The following OSBPL5 variants were observed in gnomAD, a reference collection of about 807,000 sequenced individuals.
OSBPL5 encodes the protein oxysterol binding protein like 5.
A neutral mutation model predicts 111.2 loss-of-function variants in OSBPL5; 71 were observed. The ratio of observed to expected loss-of-function variants is 0.64; its 90% confidence interval spans 0.53 to 0.78. OSBPL5 has a LOEUF of 0.78. Among genes scored for constraint, OSBPL5 ranks in the 30% least tolerant of loss-of-function variants. The probability of loss-of-function intolerance (pLI) is 0.00; values close to 1 mark genes in which losing one functional copy is unlikely to be tolerated. For missense variants in OSBPL5, 1,210 were observed against 1,189.3 expected (o/e 1.02, Z -0.26); for synonymous variants, 549 against 513.9 (o/e 1.07, Z -0.93).
At position 3,140,389 on chromosome 11, in the gene OSBPL5, C is replaced by A. The variant is rs915913121; in HGVS notation, c.-21-11220G>T. Among the ~76,000 whole-genome samples the A allele has an allele frequency of 6.6e-6, 1 of 152,164 alleles. No individual in the cohort carries two copies. Among genetic ancestry groups the A allele is most frequent in the African/African-American group, 2.4e-5 (1 of 41,436 alleles). ...TAGGGCTCACAGCCAAGCTAGGACA[C>A]CCTTCCCAGGGCCAAGGCAGCCCAG... On this transcript the variant is annotated intron_variant, in intron 1 of 21. Coordinates refer to ENST00000263650, the MANE Select transcript of OSBPL5 (RefSeq NM_020896.4). The surrounding 1 kb of genome is among the most constrained non-coding windows in gnomAD (Gnocchi z 4.5).
chr11:3,100,140 T>C lies in OSBPL5; in HGVS notation c.1621+18A>G, dbSNP rs775422556. The C allele has an allele frequency of 4.3e-6, 7 of 1,611,058 alleles. No homozygotes were observed. Among genetic ancestry groups the C allele is most frequent in the Non-Finnish European group, 5.1e-6 (6 of 1,177,580 alleles). On this transcript the variant is annotated intron_variant, in intron 14 of 21. Coordinates refer to ENST00000263650, the MANE Select transcript of OSBPL5 (RefSeq NM_020896.4). ...AGAGCCTGGCTCTGCCCTCGGAGTG[T>C]GTGGCTGAGCCTCTCACCTTTGCAG...
chr11:3,139,981 GC>G (rs975051032), intron 1 of OSBPL5, among the ~76,000 whole-genome samples: 12 of 152,168 alleles, frequency 7.9e-5, no homozygotes, highest in Non-Finnish European at 1.8e-4. Context: ...CTGCAGAGGT[GC>G]CCCCCCTGCT....
chr11:3,133,801 C>T (rs1017591996), intron 1 of OSBPL5, among the ~76,000 whole-genome samples: 6 of 152,346 alleles, frequency 3.9e-5, no homozygotes, highest in African/African-American at 1.2e-4. Flanking sequence ...GTGCCCCTCC[C>T]ACGGTGAGAC....
Position 3,102,261 on chromosome 11 carries a change from G to A in OSBPL5, c.1347C>T (p.Asn449=). 6.2e-7 allele frequency: 1 copy of A among 1,604,272 alleles called. No homozygotes were observed. Among genetic ancestry groups the A allele is most frequent in the South Asian group, 1.1e-5 (1 of 88,886 alleles). The change falls in exon 12 of 22, where the codon AAC becomes AAT. Residue 449 remains asparagine (N), a synonymous_variant. Coordinates refer to ENST00000263650, the MANE Select transcript of OSBPL5 (RefSeq NM_020896.4). ...KKPKGIKKPY[N]PILGETFRCC... ...AGCGGAAGGTCTCCCCCAGGATGGG[G>A]TTGTACGGCTTCTTGATTCCCTGCA...
intron 1 of OSBPL5, among the ~76,000 whole-genome samples, chr11:3,145,795 C>A (rs909544023): frequency 6.6e-6 from 1 of 152,212 alleles, no homozygotes; most frequent in Non-Finnish European, 1.5e-5. Flanking sequence ...GACCAGAACC[C>A]CGGCCTGTCG....
chr11:3,143,477 A>G (rs1846213367), intron 1 of OSBPL5, among the ~76,000 whole-genome samples: 1 of 152,220 alleles, frequency 6.6e-6, no homozygotes, highest in African/African-American at 2.4e-5. Context: ...GAACGGATAA[A>G]CATGGATCAC....
Position 3,092,696 on chromosome 11 carries a change from G to GCC in OSBPL5, c.2133-140_2133-139dup. On this transcript the variant is annotated intron_variant, in intron 18 of 21. Coordinates refer to ENST00000263650, the MANE Select transcript of OSBPL5 (RefSeq NM_020896.4). This position sits in a 1 kb window ranked among gnomAD's most constrained non-coding sequence, Gnocchi z 5.4. The stretch of plus-strand genomic sequence containing the variant: ...CCACTGCCCACACCCCATGGGCAGG[G>GCC]CCTGCAGTAAGGACTGATGATGGGG... The GCC allele has an allele frequency of 7.4e-7, 1 of 1,356,710 alleles. No individual in the cohort carries two copies. The highest frequency in any genetic ancestry group is 9.8e-7 in the Non-Finnish European group (1 of 1,016,120). The allele number at this position is 1,356,710 out of a possible 1,614,324, so 84.0% of individuals were successfully genotyped here.
intron 7 of OSBPL5, 143 bp downstream of exon 7, chr11:3,119,404 G>A: frequency 1.3e-6 from 1 of 757,984 alleles, no homozygotes; most frequent in Non-Finnish European, 2.0e-6. Context: ...CTCCGAGCCG[G>A]GCTCATCCTG....
intron 1 of OSBPL5, among the ~76,000 whole-genome samples, chr11:3,145,635 G>A (rs952624252): frequency 1.1e-4 from 17 of 152,208 alleles, no homozygotes; most frequent in Non-Finnish European, 2.5e-4. Flanking sequence ...AGGGGTCTGC[G>A]CTGGGGGCTG....
rs746387485 is a variant in OSBPL5, at chr11:3,129,034, C to T, written c.115G>A (p.Glu39Lys). ...TTACCTGGGCTGAGTGGGTAGAGCT[C>T]ATTGTCTCCGCTGAGGAGCAAGTTC... ...TRNLLLSGDN[E>K]LYPLSPGKDM... The change falls in exon 2 of 22, where the codon GAG becomes AAG. Residue 39 changes from glutamate to lysine, a missense_variant. Glu to Lys is a moderately conservative substitution (Grantham distance 56). Transcript: ENST00000263650. 5 of 1,587,512 alleles carry T rather than the reference C, an allele frequency of 3.1e-6. No homozygotes were observed. The highest frequency in any genetic ancestry group is 1.1e-5 in the South Asian group (1 of 88,180).
At chr11:3,097,421 T>A (rs1172510437) in intron 14 of OSBPL5, among the ~76,000 whole-genome samples, 1 of 152,178 alleles carries the variant, frequency 6.6e-6, no homozygotes, top group Non-Finnish European at 1.5e-5. Context: ...GAACTCTCCA[T>A]GAATGTGTAG....
chr11:3,128,539 A>T (rs1858714296), intron 2 of OSBPL5, among the ~76,000 whole-genome samples: 1 of 152,184 alleles, frequency 6.6e-6, no homozygotes, highest in African/African-American at 2.4e-5. Context: ...GCACGAAGGC[A>T]GGCCTGGTTC....
At chr11:3,103,938 C>T (rs1055365961) in intron 10 of OSBPL5, among the ~76,000 whole-genome samples, 23 of 150,164 alleles carry the variant, frequency 1.5e-4, no homozygotes, top group Admixed American at 1.5e-3. Flanking sequence ...TCCCATCCAG[C>T]TCGAGGGTGC....
Position 3,092,199 on chromosome 11 carries a change from C to T in OSBPL5, c.2259+233G>A, listed in dbSNP as rs1244408801. On this transcript the variant is annotated intron_variant, in intron 19 of 21. Coordinates refer to ENST00000263650, the MANE Select transcript of OSBPL5 (RefSeq NM_020896.4). The surrounding 1 kb of genome is among the most constrained non-coding windows in gnomAD (Gnocchi z 5.4). Reference sequence around the variant, plus strand: ...AGACTTTGGGGGCAGTGGACAGAGACAGTAGACACAGGGTCCCACAAGCCA... The same window carrying T: ...AGACTTTGGGGGCAGTGGACAGAGATAGTAGACACAGGGTCCCACAAGCCA... 6.6e-6 allele frequency among the ~76,000 whole-genome samples: 1 copy of T among 151,892 alleles called. No individual in the cohort carries two copies. The highest frequency in any genetic ancestry group is 1.5e-5 in the Non-Finnish European group (1 of 67,980).
intron 1 of OSBPL5, among the ~76,000 whole-genome samples, chr11:3,157,727 A>G (rs1048857766): frequency 1.3e-4 from 20 of 152,350 alleles, no homozygotes; most frequent in Admixed American, 3.9e-4. Context: ...CTCTGCTCAC[A>G]ACAATCAGAT....
chr11:3,122,572 C>T (rs553512994), intron 3 of OSBPL5, 144 bp from the exon 4 acceptor site: 29 of 684,136 alleles, frequency 4.2e-5, no homozygotes, highest in African/African-American at 3.4e-4. Flanking sequence ...CCTCCATCCC[C>T]CCCACCAGCA....
chr11:3,104,107 C>A lies in OSBPL5; in HGVS notation c.1244+86G>T. The A allele has an allele frequency of 7.0e-7, 1 of 1,435,150 alleles. No homozygotes were observed. Among genetic ancestry groups the A allele is most frequent in the Admixed American group, 2.1e-5 (1 of 48,428 alleles). The allele number at this position is 1,435,150 out of a possible 1,614,324, so 88.9% of individuals were successfully genotyped here. The stretch of plus-strand genomic sequence containing the variant: ...CCATGGGATTCTCTGGAAGCCCCCA[C>A]AGGGCAGGTAGGGGCTGGGGGTGCT... On this transcript the variant is annotated intron_variant, in intron 10 of 21. Coordinates refer to ENST00000263650, the MANE Select transcript of OSBPL5 (RefSeq NM_020896.4). This position sits in a 1 kb window ranked among gnomAD's most constrained non-coding sequence, Gnocchi z 5.0.
chr11:3,121,347 T>C lies in OSBPL5; in HGVS notation c.402+650A>G, dbSNP rs370342804. Among the ~76,000 whole-genome samples the C allele has an allele frequency of 2.0e-5, 3 of 152,310 alleles. No individual in the cohort carries two copies. Among genetic ancestry groups the C allele is most frequent in the Admixed American group, 6.5e-5 (1 of 15,286 alleles). The stretch of plus-strand genomic sequence containing the variant: ...TGTTGGGATTACAGGTGTGAGCCAC[T>C]GCACCCGGCCTGGCAGCTCTGTAAA... On this transcript the variant is annotated intron_variant, in intron 5 of 21. Coordinates refer to ENST00000263650, the MANE Select transcript of OSBPL5 (RefSeq NM_020896.4). This position sits in a 1 kb window ranked among gnomAD's most constrained non-coding sequence, Gnocchi z 4.3.
chr11:3,092,946 G>T lies in OSBPL5; in HGVS notation c.2053C>A (p.Gln685Lys). The stretch of plus-strand genomic sequence containing the variant: ...GGCTTCCAGGGCATGAGGCTCTCCT[G>T]CCGCTCACGGGCCCGCTGCCGCTGT... The part of the protein sequence containing the change: ...EAQRQRARER[Q>K]ESLMPWKPQL... The change falls in exon 18 of 22, where the codon CAG (glutamine) becomes AAG (lysine). Residue 685 changes from glutamine to lysine, a missense_variant. Coordinates refer to ENST00000263650, the MANE Select transcript of OSBPL5 (RefSeq NM_020896.4). The surrounding 1 kb of genome is among the most constrained non-coding windows in gnomAD (Gnocchi z 5.4). 3.2e-6 allele frequency: 5 copies of T among 1,583,738 alleles called. No individual in the cohort carries two copies. Among genetic ancestry groups the T allele is most frequent in the Non-Finnish European group, 4.3e-6 (5 of 1,165,960 alleles).
Sources: allele counts gnomAD v4.1 joint callset (sites outside exome capture counted in the v4.1 genomes callset), GRCh38; gene constraint gnomAD v4.1.1; non-coding constraint Gnocchi (gnomAD v3.1); transcripts MANE v1.5; gene names NCBI Gene and HGNC (gene_info 2026-07-23, HGNC 2026-07-21).